The following FBXO34 variants were observed in gnomAD, a reference collection of about 807,000 sequenced individuals.
FBXO34 encodes F-box protein 34, also known as F-box only protein 34.
Under a neutral mutation model 24.5 loss-of-function variants are expected in FBXO34, and 12 were observed. That is an observed-to-expected ratio of 0.49 (90% CI 0.31 to 0.79). The LOEUF is 0.79. Ranked by LOEUF, FBXO34 falls within the 30% of genes least tolerant of loss-of-function variation. The probability of loss-of-function intolerance (pLI) is 0.04; values close to 1 mark genes in which losing one functional copy is unlikely to be tolerated. For missense variants in FBXO34, 823 were observed against 857.7 expected, an observed-to-expected ratio of 0.96 and a Z score of 0.51; for synonymous variants, 320 against 311.9, an observed-to-expected ratio of 1.03 and a Z score of -0.27.
At chr14:55,366,086 C>T (rs1028111824), downstream of FBXO34, among the ~76,000 whole-genome samples, 5 of 152,102 alleles carry the variant, frequency 3.3e-5, no homozygotes, top group Admixed American at 6.5e-5. Context: ...GCCTTCTGCC[C>T]CAGGGGTCTG....
intron 1 of FBXO34, chr14:55,298,952 C>T (rs1418102873): frequency 1.9e-6 from 3 of 1,588,714 alleles, no homozygotes; most frequent in African/African-American, 1.3e-5. Flanking sequence ...CAGCCAAGGC[C>T]AAGAAGGCGG....
At chr14:55,389,760 G>A in the FBXO34 span, among the ~76,000 whole-genome samples, 3 of 152,134 alleles carry the variant, frequency 2.0e-5, no homozygotes, top group Non-Finnish European at 4.4e-5. Flanking sequence ...AACAGAACTT[G>A]TCTCTAATCC....
the FBXO34 span, among the ~76,000 whole-genome samples, chr14:55,383,768 CA>C: frequency 0.059 from 8,835 of 150,504 alleles, 326 homozygotes; most frequent in South Asian, 0.091. Context: ...AATCAAAAAA[CA>C]AAAAAAAACC....
At chr14:55,428,844 G>T in the FBXO34 span, 31 of 1,613,988 alleles carry the variant, frequency 1.9e-5, no homozygotes, top group East Asian at 6.9e-4. Context: ...AAACCTTCCA[G>T]CCTGATGGGA....
the FBXO34 span, among the ~76,000 whole-genome samples, chr14:55,421,162 T>C: frequency 0.69 from 105,368 of 151,910 alleles, 36,683 homozygotes; most frequent in South Asian, 0.74. Context: ...TTTGCCTGTA[T>C]TTGGCAATTT....
chr14:55,356,249 C>G (rs1160027434), downstream of FBXO34, among the ~76,000 whole-genome samples: 3 of 152,234 alleles, frequency 2.0e-5, no homozygotes, highest in African/African-American at 7.2e-5. Context: ...ACTCAGCAGA[C>G]TGGCTGTTTG....
At chr14:55,362,885 C>A (rs1594771900), downstream of FBXO34, among the ~76,000 whole-genome samples, 1 of 151,932 alleles carries the variant, frequency 6.6e-6, no homozygotes, top group South Asian at 2.1e-4. Context: ...TAGGAAAGTT[C>A]TTTCCTCAAA....
chr14:55,330,456 T>C (rs1883495484), intron 1 of FBXO34, among the ~76,000 whole-genome samples: 1 of 152,190 alleles, frequency 6.6e-6, no homozygotes, highest in African/African-American at 2.4e-5. Flanking sequence ...CTTTTTGTTC[T>C]ATGATCTGCA....
chr14:55,293,370 G>T (rs1882010977), intron 1 of FBXO34, among the ~76,000 whole-genome samples: 1 of 152,028 alleles, frequency 6.6e-6, no homozygotes, highest in Admixed American at 6.6e-5. Flanking sequence ...TAGAAGATGG[G>T]GTTAACCCTT....
At chr14:55,314,726 T>A (rs76991153) in intron 1 of FBXO34, among the ~76,000 whole-genome samples, 2,916 of 152,324 alleles carry the variant, frequency 0.019, 90 homozygotes, top group African/African-American at 0.062. Flanking sequence ...AAAAATTTAA[T>A]CTGAAAAAAG....
chr14:55,335,922 C>G (rs571442013), intron 1 of FBXO34, among the ~76,000 whole-genome samples: 2 of 152,226 alleles, frequency 1.3e-5, no homozygotes, highest in East Asian at 3.9e-4. Context: ...TTAGTACTGT[C>G]ATTTTCCCTT....
At chr14:55,406,628 A>G in the FBXO34 span, among the ~76,000 whole-genome samples, 1 of 152,226 alleles carries the variant, frequency 6.6e-6, no homozygotes, top group Non-Finnish European at 1.5e-5. Context: ...TCATTAAAAA[A>G]TATCTGGCTA....
chr14:55,328,576 T>C (rs1883429408), intron 1 of FBXO34, among the ~76,000 whole-genome samples: 1 of 152,220 alleles, frequency 6.6e-6, no homozygotes, highest in African/African-American at 2.4e-5. Context: ...GTGCAATTGA[T>C]AACTTAATTG....
At chr14:55,275,578 G>A (rs963845944) in intron 1 of FBXO34, among the ~76,000 whole-genome samples, 7 of 151,878 alleles carry the variant, frequency 4.6e-5, no homozygotes, top group Non-Finnish European at 2.9e-5. Flanking sequence ...ACGTTGGGAG[G>A]CTGAGGCGGG....
the FBXO34 span, among the ~76,000 whole-genome samples, chr14:55,426,477 A>G: frequency 6.6e-6 from 1 of 152,112 alleles, no homozygotes; most frequent in African/African-American, 2.4e-5. Context: ...CCTGATAATT[A>G]TAACTGATTA....
At chr14:55,274,240 A>C (rs896669288) in intron 1 of FBXO34, among the ~76,000 whole-genome samples, 7 of 152,158 alleles carry the variant, frequency 4.6e-5, no homozygotes, top group Non-Finnish European at 4.4e-5. Flanking sequence ...GGAAGTTTTT[A>C]TTTTTCCTCA....
Position 55,350,686 on chromosome 14 carries a change from G to A in FBXO34, c.296G>A (p.Gly99Asp), listed in dbSNP as rs764105377. 3 of 1,613,772 alleles carry A rather than the reference G, an allele frequency of 1.9e-6. No individual in the cohort carries two copies. Among genetic ancestry groups the A allele is most frequent in the Non-Finnish European group, 2.5e-6 (3 of 1,179,952 alleles). The change falls in exon 2 of 2, where the codon GGC becomes GAC. Residue 99 changes from glycine to aspartate, a missense_variant. Physicochemically the swap from Gly to Asp is moderately conservative, Grantham distance 94. Transcript: ENST00000313833. Reference protein sequence around the residue: ...KNAPSATIHQGEEEGPLDIWA... With the variant: ...KNAPSATIHQDEEEGPLDIWA... ...GCACCATCTGCAACGATCCACCAGG[G>A]CGAAGAAGAAGGACCACTTGATATC...
At chr14:55,371,522 T>A (rs1251414007), downstream of FBXO34, among the ~76,000 whole-genome samples, 1 of 152,080 alleles carries the variant, frequency 6.6e-6, no homozygotes, top group Non-Finnish European at 1.5e-5. Flanking sequence ...CAAGAGCCCC[T>A]CAGGCCGGGC....
chr14:55,286,368 C>G (rs1881760891), intron 1 of FBXO34, among the ~76,000 whole-genome samples: 1 of 152,160 alleles, frequency 6.6e-6, no homozygotes, highest in African/African-American at 2.4e-5. Flanking sequence ...TTGGCTTTCT[C>G]AAGACATTTG....
Sources: allele counts gnomAD v4.1 joint callset (sites outside exome capture counted in the v4.1 genomes callset), GRCh38; gene constraint gnomAD v4.1.1; transcripts MANE v1.5; gene names NCBI Gene and HGNC (gene_info 2026-07-23, HGNC 2026-07-21).